Variants in GSN observed in about 807,000 individuals in gnomAD.
The protein encoded by GSN is actin-depolymerizing factor.
Under a neutral mutation model 85.7 loss-of-function variants are expected in GSN, and 56 were observed. The observed-to-expected ratio is 0.65, with a 90% confidence interval of 0.53 to 0.82. GSN has a LOEUF of 0.82. GSN is among the 40% of genes least tolerant of loss of function. GSN has a pLI of 0.00. For synonymous variants in GSN, 373 were observed against 399.1 expected (o/e 0.93, Z 0.78); for missense variants, 857 against 979.8 (o/e 0.87, Z 1.67).
intron 2 of GSN, chr9:121,286,606 C>G (rs894790989): frequency 1.6e-5 from 24 of 1,509,392 alleles, no homozygotes; most frequent in Non-Finnish European, 1.9e-5. Context: ...TCCCAGGGCC[C>G]ACAACTGCTT....
At chr9:121,215,152 T>G (rs1045534668) in intron 4 of GSN, among the ~76,000 whole-genome samples, 7 of 151,814 alleles carry the variant, frequency 4.6e-5, no homozygotes, top group African/African-American at 1.7e-4. Flanking sequence ...TATGGCTGTC[T>G]TCTCCCTGTG....
At chr9:121,310,902 G>A in intron 5 of GSN, 57 bp downstream of exon 5, 2 of 1,526,890 alleles carry the variant, frequency 1.3e-6, no homozygotes, top group South Asian at 2.3e-5. Context: ...GTCTGATCAG[G>A]GACTTGGGTA....
chr9:121,224,976 G>A (rs541792990), intron 4 of GSN, among the ~76,000 whole-genome samples: 10 of 151,978 alleles, frequency 6.6e-5, no homozygotes, highest in South Asian at 2.1e-4. Flanking sequence ...ATGCCACTAC[G>A]CTGGATAATT....
intron 5 of GSN, among the ~76,000 whole-genome samples, chr9:121,247,999 A>T (rs2054737628): frequency 6.6e-6 from 1 of 152,030 alleles, no homozygotes; most frequent in Admixed American, 6.6e-5. Flanking sequence ...ATGTATTTGC[A>T]TAGAAATGAA....
chr9:121,226,870 G>A (rs1358145291), intron 4 of GSN, among the ~76,000 whole-genome samples: 2 of 152,214 alleles, frequency 1.3e-5, no homozygotes, highest in African/African-American at 4.8e-5. Flanking sequence ...AGGGAGAAGG[G>A]CTGAAATGCA....
intron 2 of GSN, among the ~76,000 whole-genome samples, chr9:121,293,815 T>A (rs1424632179): frequency 6.6e-6 from 1 of 152,186 alleles, no homozygotes; most frequent in Non-Finnish European, 1.5e-5. Context: ...GCAGCCTCCT[T>A]TATATGTGCT....
At chr9:121,281,068 T>G (rs2057306300) in intron 1 of GSN, 1 of 160,774 alleles carries the variant, frequency 6.2e-6, no homozygotes. Context: ...CCGGAAACCC[T>G]GGTCTCAGGA....
At chr9:121,209,041 G>A (rs889080208) in intron 1 of GSN, among the ~76,000 whole-genome samples, 2 of 152,220 alleles carry the variant, frequency 1.3e-5, no homozygotes, top group African/African-American at 4.8e-5. Context: ...AACAAGTTGA[G>A]ATATCAACAA....
At chr9:121,255,446 G>GGCTGGTCTCAAATT (rs2054934015) in intron 6 of GSN, among the ~76,000 whole-genome samples, 1 of 152,106 alleles carries the variant, frequency 6.6e-6, no homozygotes, top group Admixed American at 6.5e-5. Flanking sequence ...GTGTTTCCCA[G>GGCTGGTCTCAAATT]GCTGGTCTCA....
chr9:121,252,017 T>C (rs1002441822), intron 6 of GSN, among the ~76,000 whole-genome samples: 5 of 152,118 alleles, frequency 3.3e-5, no homozygotes, highest in Admixed American at 1.3e-4. Context: ...ATTTGAAAAA[T>C]TAGAAGCATT....
intron 10 of GSN, among the ~76,000 whole-genome samples, chr9:121,321,011 G>T (rs550130324): frequency 6.6e-6 from 1 of 152,146 alleles, no homozygotes; most frequent in African/African-American, 2.4e-5. Flanking sequence ...CTGCCTTGAC[G>T]ATCCTCAGCG....
chr9:121,290,246 G>GGCCTA (rs774710759), intron 2 of GSN, among the ~76,000 whole-genome samples: 9 of 152,220 alleles, frequency 5.9e-5, no homozygotes, highest in Non-Finnish European at 1.3e-4. Context: ...CCCGGGGACA[G>GGCCTA]AAGGCAGCAC....
At chr9:121,224,120 G>A (rs368785208) in intron 4 of GSN, among the ~76,000 whole-genome samples, 2 of 151,386 alleles carry the variant, frequency 1.3e-5, no homozygotes, top group African/African-American at 2.4e-5. Flanking sequence ...TTTTAGAGAC[G>A]GAGTCTTGCT....
chr9:121,219,687 G>C (rs1164325695), intron 4 of GSN, among the ~76,000 whole-genome samples: 1 of 152,092 alleles, frequency 6.6e-6, no homozygotes, highest in Non-Finnish European at 1.5e-5. Context: ...CCAGTGCCAG[G>C]ACAGATCCTG....
intron 6 of GSN, among the ~76,000 whole-genome samples, chr9:121,250,879 GTGT>G (rs2054813764): frequency 7.6e-6 from 1 of 131,000 alleles, no homozygotes; most frequent in African/African-American, 2.9e-5. Flanking sequence ...TGGGGTGTGT[GTGT>G]GTGTGTGTGT....
intron 4 of GSN, among the ~76,000 whole-genome samples, chr9:121,304,039 C>A (rs1415182851): frequency 6.6e-6 from 1 of 152,224 alleles, no homozygotes; most frequent in Non-Finnish European, 1.5e-5. Context: ...AACCAACATA[C>A]CTCTAATGAC....
chr9:121,245,529 T>A (rs1005145759), intron 5 of GSN, among the ~76,000 whole-genome samples: 1 of 152,120 alleles, frequency 6.6e-6, no homozygotes, highest in Non-Finnish European at 1.5e-5. Context: ...GTTAATTTTT[T>A]AAAAACATAT....
chr9:121,245,153 C>T (rs901108067), intron 5 of GSN, among the ~76,000 whole-genome samples: 1 of 152,140 alleles, frequency 6.6e-6, no homozygotes, highest in African/African-American at 2.4e-5. Context: ...TCATTCGATT[C>T]TATACTCCTA....
At chr9:121,291,322 C>A (rs1362923748) in intron 2 of GSN, among the ~76,000 whole-genome samples, 2 of 151,840 alleles carry the variant, frequency 1.3e-5, no homozygotes, top group Non-Finnish European at 2.9e-5. Context: ...TGTACAGCAT[C>A]TGCAGATTTT....
Sources: gnomAD v4.1 joint callset for allele counts (sites outside exome capture counted in the v4.1 genomes callset) on GRCh38, gnomAD v4.1.1 for gene constraint, MANE v1.5 for transcripts, NCBI Gene and HGNC (gene_info 2026-07-23, HGNC 2026-07-21) for gene names.